Variants in MYO15A observed in about 807,000 individuals in gnomAD.
MYO15A encodes the protein unconventional myosin-XV.
MYO15A carries 308 observed loss-of-function variants against 394.6 expected under a neutral mutation model. The observed-to-expected ratio is 0.78, with a 90% CI of 0.71 to 0.86. The LOEUF (loss-of-function observed/expected upper bound fraction) is 0.86. Ranked by LOEUF, MYO15A falls within the 40% of genes least tolerant of loss-of-function variation. MYO15A has a pLI of 0.00. For synonymous variants in MYO15A, 1,957 were observed against 2,003.8 expected, an observed-to-expected ratio of 0.98 and a Z score of 0.62; for missense variants, 4,606 against 4,799.1, an observed-to-expected ratio of 0.96 and a Z score of 1.19.
At chr17:18,171,807 G>A (rs1165268115) in intron 63 of MYO15A, 36 bp downstream of exon 63, 1 of 1,595,448 alleles carries the variant, frequency 6.3e-7, no homozygotes, top group Admixed American at 1.7e-5. Context: ...GATCATAGGG[G>A]GCTTTGCTGA....
chr17:18,138,211 C>G lies in MYO15A; in HGVS notation c.4972C>G (p.Leu1658Val), dbSNP rs1375442979. The change falls in exon 17 of 66, where the codon CTG (leucine) becomes GTG (valine). Residue 1658 changes from leucine (L) to valine (V), a missense_variant. Around this residue, in one of 2 missense-constraint regions of MYO15A, gnomAD observed 2,776 missense variants for 3,109.3 expected, o/e 0.89. Transcript: ENST00000647165. ...CATCTCACTGAAGCCTTATGGCATC[C>G]TGCGGATCCTTGACGACCAGTGTTG... ...NLISLKPYGI[L>V]RILDDQCCFP... 6.2e-7 allele frequency: 1 copy of G among 1,613,650 alleles called. No individual in the cohort carries two copies. Among genetic ancestry groups the G allele is most frequent in the Non-Finnish European group, 8.5e-7 (1 of 1,180,020 alleles).
Position 18,117,924 on chromosome 17 carries a change from A to T in MYO15A, c.-219-658A>T, listed in dbSNP as rs2045813364. On this transcript the variant is annotated intron_variant, in intron 1 of 65. Coordinates refer to ENST00000647165, the MANE Select transcript of MYO15A (RefSeq NM_016239.4). This position sits in a 1 kb window ranked among gnomAD's most constrained non-coding sequence, Gnocchi z 4.1. ...TGAAGGAGATGGGGCATAGCTTATC[A>T]CTCCCATTCTTCAGAGGAAACTGAG... Among the ~76,000 whole-genome samples, 2 of 151,898 alleles carry T rather than the reference A, an allele frequency of 1.3e-5. No individual in the cohort carries two copies. The highest frequency in any genetic ancestry group is 4.8e-5 in the African/African-American group (2 of 41,310).
chr17:18,131,655 T>C lies in MYO15A; in HGVS notation c.4206+124T>C, dbSNP rs2046169244. On this transcript the variant is annotated intron_variant, in intron 10 of 65. Transcript: ENST00000647165. ...ATTAATGAACGAATACATGCGTACA[T>C]GTGTACATGTGAGCCCAGGACCTCC... 6 of 1,179,472 alleles carry C rather than the reference T, an allele frequency of 5.1e-6. No individual in the cohort carries two copies. The Admixed American group carries it at 7.9e-5, about 15-fold the overall frequency. 73.1% of individuals were successfully genotyped at this position (1,179,472 alleles called of 1,614,324 possible).
intron 7 of MYO15A, 26 bp downstream of exon 7, chr17:18,127,191 C>T: frequency 6.2e-7 from 1 of 1,612,876 alleles, no homozygotes; most frequent in Non-Finnish European, 8.5e-7. Flanking sequence ...TCCCCAGGAC[C>T]CTAGGCTGAA....
At chr17:18,122,662 A>T in intron 2 of MYO15A, 1 of 553,866 alleles carries the variant, frequency 1.8e-6, no homozygotes, top group Non-Finnish European at 3.1e-6. Context: ...CTGGGGAAGG[A>T]TCTTTGTTCA....
chr17:18,156,933 C>G, intron 48 of MYO15A, 21 bp from the exon 49 acceptor site: 1 of 1,610,646 alleles, frequency 6.2e-7, no homozygotes, highest in Non-Finnish European at 8.5e-7. Flanking sequence ...GTTGCCCTCA[C>G]CCTGCCTCTG....
intron 48 of MYO15A, among the ~76,000 whole-genome samples, chr17:18,156,668 C>A (rs1020430324): frequency 4.6e-5 from 7 of 152,230 alleles, no homozygotes; most frequent in African/African-American, 1.7e-4. Flanking sequence ...AGCCCCCAGG[C>A]CTAGGGCAGG....
intron 62 of MYO15A, among the ~76,000 whole-genome samples, chr17:18,167,941 G>T (rs1010785122): frequency 1.3e-5 from 2 of 152,200 alleles, no homozygotes; most frequent in African/African-American, 4.8e-5. Flanking sequence ...GTTGCTTCTG[G>T]CTGGTATTAT....
At chr17:18,142,735 C>A in intron 24 of MYO15A, 21 bp from the exon 25 acceptor site, 29 of 1,610,204 alleles carry the variant, frequency 1.8e-5, no homozygotes, top group Non-Finnish European at 2.5e-5. Context: ...AATCCCTGAC[C>A]TCCCCACTAC....
intron 2 of MYO15A, chr17:18,124,018 T>C: frequency 4.3e-6 from 1 of 233,214 alleles, no homozygotes; most frequent in Admixed American, 4.7e-5. Flanking sequence ...CATATGCAGG[T>C]GTCCACGCAT....
chr17:18,140,847 A>T lies in MYO15A; in HGVS notation c.5406+15A>T. On this transcript the variant is annotated intron_variant, in intron 21 of 65. Coordinates refer to ENST00000647165, the MANE Select transcript of MYO15A (RefSeq NM_016239.4). ...ACCACAAGAAGGTGAGTGAGAGCTG[A>T]GGCCTCTGAGAGAGCCAAATCCTCC... 1.2e-6 allele frequency: 2 copies of T among 1,614,004 alleles called. No individual in the cohort carries two copies. Among genetic ancestry groups the T allele is most frequent in the Non-Finnish European group, 1.7e-6 (2 of 1,180,034 alleles).
intron 62 of MYO15A, among the ~76,000 whole-genome samples, chr17:18,168,061 G>A (rs750913795): frequency 6.6e-6 from 1 of 152,230 alleles, no homozygotes; most frequent in Non-Finnish European, 1.5e-5. Flanking sequence ...AGCATTCACT[G>A]CAATGCTGCT....
Position 18,148,825 on chromosome 17 carries a change from C to G in MYO15A, c.6829C>G (p.Leu2277Val). 6.2e-7 allele frequency: 1 copy of G among 1,606,148 alleles called. No homozygotes were observed. The highest frequency in any genetic ancestry group is 8.5e-7 in the Non-Finnish European group (1 of 1,176,220). The part of the protein sequence containing the change: ...AMKNGVQWAE[L>V]AGHDYVLDLV... ...GAAGAATGGTGTCCAGTGGGCAGAG[C>G]TGGCTGGCCACGACTACGTGTTAGA... The change falls in exon 33 of 66, where the codon CTG becomes GTG. Residue 2277 changes from leucine (L) to valine (V), a missense_variant. By Grantham distance (32) the Leu-to-Val change is conservative. Transcript: ENST00000647165. The surrounding 1 kb of genome is among the most constrained non-coding windows in gnomAD (Gnocchi z 4.8).
rs1314167206 is a variant in MYO15A at position 18,121,397 on chromosome 17, C to G, written c.2597C>G (p.Ser866Trp). The G allele has an allele frequency of 8.5e-6, 13 of 1,534,950 alleles. No individual in the cohort carries two copies. The highest frequency in any genetic ancestry group is 2.8e-5 in the African/African-American group (2 of 72,658). Residue 866 changes from serine to tryptophan, a missense_variant, in exon 2 of 66, where the codon TCG (serine) becomes TGG (tryptophan). Physicochemically the swap from Ser to Trp is radical, Grantham distance 177. This residue lies in a region of MYO15A where 1,830 missense variants were observed against 1,689.7 expected (regional missense o/e 1.08). Coordinates refer to ENST00000647165, the MANE Select transcript of MYO15A (RefSeq NM_016239.4). This position sits in a 1 kb window ranked among gnomAD's most constrained non-coding sequence, Gnocchi z 5.3. ...SPRRSSLNLP[S>W]RLPHTWRRLS... is the part of the protein sequence containing the mutation. ...CGGCGCAGCTCCCTGAATCTGCCCT[C>G]GCGCCTCCCGCACACGTGGCGGCGC...
rs112685616 is a variant in MYO15A, at chr17:18,161,198, A to T, written c.9387-119A>T. 9 of 1,358,890 alleles carry T rather than the reference A, an allele frequency of 6.6e-6. No individual in the cohort carries two copies. In the African/African-American group the frequency reaches 7.2e-5, roughly 11 times the overall value. The allele number at this position is 1,358,890 out of a possible 1,614,324, so 84.2% of individuals were successfully genotyped here. A position where few individuals can be genotyped will look rare whatever the true frequency, so the allele number is the denominator to read the frequency against. ...TGCATATCACTGCGCAGGGAGGGGC[A>T]TCCTCAGGGGACAGGAGCTGCCTGA... is the stretch of plus-strand genomic sequence containing the variant. On this transcript the variant is annotated intron_variant, in intron 56 of 65. Coordinates refer to ENST00000647165, the MANE Select transcript of MYO15A (RefSeq NM_016239.4).
chr17:18,121,543 G>A lies in MYO15A; in HGVS notation c.2743G>A (p.Asp915Asn). 1.3e-6 allele frequency: 2 copies of A among 1,579,314 alleles called. No homozygotes were observed. Among genetic ancestry groups the A allele is most frequent in the Non-Finnish European group, 1.7e-6 (2 of 1,163,466 alleles). ...CCGGGAGAGCCCGCGAGAACCCGAG[G>A]ACTCAGAGACGCCCTGGACTGTGCC... is the stretch of plus-strand genomic sequence containing the variant. The part of the protein sequence containing the change: ...EHRESPREPE[D>N]SETPWTVPPL... The change falls in exon 2 of 66, where the codon GAC (aspartate) becomes AAC (asparagine). Residue 915 changes from aspartate to asparagine, a missense_variant. By Grantham distance (23) the Asp-to-Asn change is conservative. This residue lies in a region of MYO15A where 1,830 missense variants were observed against 1,689.7 expected (regional missense o/e 1.08). Transcript: ENST00000647165. The surrounding 1 kb of genome is among the most constrained non-coding windows in gnomAD (Gnocchi z 5.3).
At chr17:18,113,448 G>A (rs1029854060) in intron 1 of MYO15A, among the ~76,000 whole-genome samples, 1 of 152,052 alleles carries the variant, frequency 6.6e-6, no homozygotes, top group African/African-American at 2.4e-5. Flanking sequence ...TTTCTAATAT[G>A]GAAATAAAAA....
chr17:18,134,298 T>G (rs2046225776), intron 12 of MYO15A, among the ~76,000 whole-genome samples: 1 of 152,240 alleles, frequency 6.6e-6, no homozygotes, highest in African/African-American at 2.4e-5. Context: ...CTGTTGGGTT[T>G]TTTATGCAAA....
intron 43 of MYO15A, 32 bp from the exon 44 acceptor site, chr17:18,154,099 G>A (rs2046633203): frequency 6.2e-7 from 1 of 1,613,272 alleles, no homozygotes; most frequent in Non-Finnish European, 8.5e-7. Flanking sequence ...GGGGGCAGTC[G>A]GACAGTACCC....
Sources: gnomAD v4.1 joint callset for allele counts (sites outside exome capture counted in the v4.1 genomes callset) on GRCh38, gnomAD v4.1.1 for gene constraint, gnomAD v4.1.1 regional missense constraint, Gnocchi (gnomAD v3.1) non-coding constraint, MANE v1.5 for transcripts, NCBI Gene and HGNC (gene_info 2026-07-23, HGNC 2026-07-21) for gene names.